The following STON1 variants were observed in gnomAD, a reference collection of about 807,000 sequenced individuals.
STON1 encodes the protein stonin 1.
Under a neutral mutation model 60.9 loss-of-function variants are expected in STON1, and 79 were observed. That is an observed-to-expected ratio of 1.30 (90% CI 1.08 to 1.56). STON1 has a LOEUF of 1.56. Ranked by LOEUF, STON1 falls within the 40% of genes most tolerant of loss-of-function variation. The pLI, the probability that STON1 is intolerant of heterozygous loss-of-function variation, is 0.00. For synonymous variants in STON1, 363 were observed against 306.9 expected, an observed-to-expected ratio of 1.18 and a Z score of -1.91; for missense variants, 1,166 against 858.9, an observed-to-expected ratio of 1.36 and a Z score of -4.47.
chr2:48,558,559 T>G (rs1672478076), intron 1 of STON1, among the ~76,000 whole-genome samples: 2 of 152,236 alleles, frequency 1.3e-5, no homozygotes, highest in Admixed American at 6.5e-5. Flanking sequence ...GCCATAGCTA[T>G]GATCACAGTG....
rs1455922439 is a variant in STON1, at chr2:48,597,186, G to GAGGCTCAAATGC, written c.*1884_*1885insAGGCTCAAATGC. 6.6e-6 allele frequency: 1 copy of GAGGCTCAAATGC among 152,110 alleles called. No homozygotes were observed. The highest frequency in any genetic ancestry group is 1.5e-5 in the Non-Finnish European group (1 of 68,026). The allele number at this position is 152,110 out of a possible 1,614,324, so 9.4% of individuals were successfully genotyped here. On this transcript the variant is annotated 3_prime_UTR_variant, in exon 4 of 4. Transcript: ENST00000404752. Reference sequence around the variant, plus strand: ...TCTTTTTAACTTCATTTGATGCCTTGCTTATAATATCATATGCTTGAGGCT... The same window carrying GAGGCTCAAATGC: ...TCTTTTTAACTTCATTTGATGCCTTGAGGCTCAAATGCCTTATAATATCATATGCTTGAGGCT...
chr2:48,536,905 T>C (rs1671455786), intron 1 of STON1, among the ~76,000 whole-genome samples: 1 of 152,226 alleles, frequency 6.6e-6, no homozygotes, highest in South Asian at 2.1e-4. Context: ...TCTTTTGTCC[T>C]AGTATATTCT....
At chr2:48,533,997 G>T (rs1671326340) in intron 1 of STON1, among the ~76,000 whole-genome samples, 2 of 152,056 alleles carry the variant, frequency 1.3e-5, no homozygotes, top group African/African-American at 4.8e-5. Context: ...TCGAACTCCT[G>T]ATCTCAGGTG....
At chr2:48,570,431 G>T (rs1673144418) in intron 1 of STON1, among the ~76,000 whole-genome samples, 2 of 152,168 alleles carry the variant, frequency 1.3e-5, no homozygotes, top group Non-Finnish European at 2.9e-5. Flanking sequence ...TTCGTGTTTT[G>T]TGTGAACCCT....
Position 48,558,711 on chromosome 2 carries a change from G to T in STON1, c.-47-21876G>T, listed in dbSNP as rs72822299. Among the ~76,000 whole-genome samples, 549 of 152,284 alleles carry T rather than the reference G, an allele frequency of 3.6e-3. 1 individual carries two copies. The highest frequency in any genetic ancestry group is 9.5e-3 in the South Asian group (46 of 4,826). ...TATAGTGGCAAAGGGCTTGTTTGCT[G>T]CCCTATGTCTTTACTCAAGCAGATG... On this transcript the variant is annotated intron_variant, in intron 1 of 3. Transcript: ENST00000404752.
chr2:48,586,551 TAG>T (rs1392370367), intron 2 of STON1, among the ~76,000 whole-genome samples: 1 of 152,124 alleles, frequency 6.6e-6, no homozygotes, highest in East Asian at 1.9e-4. Flanking sequence ...GGAGAGTCAA[TAG>T]AGTTTCCATC....
At position 48,576,278 on chromosome 2, in the gene STON1, C is replaced by T. The variant is rs1432122709; in HGVS notation, c.-47-4309C>T. On this transcript the variant is annotated intron_variant, in intron 1 of 3. Transcript: ENST00000404752. ...GATCTCTGCTCACTGCAACCTCTGC[C>T]TCTTGGGTTCAAGTGATTCTCATGC... Among the ~76,000 whole-genome samples the T allele has an allele frequency of 2.2e-5, 3 of 137,208 alleles. No individual in the cohort carries two copies. The Admixed American group carries it at 2.5e-4, about 11-fold the overall frequency. The allele number at this position is 137,208 out of a possible 152,430, so 90.0% of individuals were successfully genotyped here. A position where few individuals can be genotyped will look rare whatever the true frequency, so the allele number is the denominator to read the frequency against.
chr2:48,540,700 A>G (rs1671617571), intron 1 of STON1, among the ~76,000 whole-genome samples: 1 of 152,312 alleles, frequency 6.6e-6, no homozygotes, highest in South Asian at 2.1e-4. Flanking sequence ...GGCGCTCTTG[A>G]GCCTCAACTT....
At chr2:48,551,925 T>C (rs876970) in intron 1 of STON1, among the ~76,000 whole-genome samples, 41,052 of 152,174 alleles carry the variant, frequency 0.27, 5,621 homozygotes, top group South Asian at 0.33. Context: ...CCCGGATTCC[T>C]GGTCAGTCAC....
At chr2:48,553,167 C>T (rs1163824987) in intron 1 of STON1, among the ~76,000 whole-genome samples, 2 of 152,090 alleles carry the variant, frequency 1.3e-5, no homozygotes, top group African/African-American at 4.8e-5. Context: ...GCAGTGACAG[C>T]GCCCACCAGA....
chr2:48,571,109 G>A (rs565157897), intron 1 of STON1, among the ~76,000 whole-genome samples: 1 of 152,210 alleles, frequency 6.6e-6, no homozygotes, highest in South Asian at 2.1e-4. Flanking sequence ...GCCCGCCTTG[G>A]CCTTCCAAAG....
At position 48,581,827 on chromosome 2, in the gene STON1, G is replaced by A. The variant is rs1366002465; in HGVS notation, c.1194G>A (p.Met398Ile). Residue 398 changes from methionine (M) to isoleucine (I), a missense_variant, in exon 2 of 4, where the codon ATG becomes ATA. Transcript: ENST00000404752. ...TGACTACTGTGGAGGAGGAGCTGAT[G>A]AAGTTGCCAGCTGTTTCAAAACCAA... The part of the protein sequence containing the change: ...DFLTTVEEEL[M>I]KLPAVSKPKK... 2 of 1,614,102 alleles carry A rather than the reference G, an allele frequency of 1.2e-6. No individual in the cohort carries two copies. The highest frequency in any genetic ancestry group is 1.7e-6 in the Non-Finnish European group (2 of 1,180,060).
intron 1 of STON1, among the ~76,000 whole-genome samples, chr2:48,578,101 A>G (rs1441321119): frequency 6.6e-6 from 1 of 152,024 alleles, no homozygotes. Context: ...TAGCCTCCAG[A>G]GTAGCTTGGA....
At chr2:48,567,211 G>A (rs923523052) in intron 1 of STON1, among the ~76,000 whole-genome samples, 3 of 152,172 alleles carry the variant, frequency 2.0e-5, no homozygotes, top group African/African-American at 4.8e-5. Context: ...ACATGTTTGC[G>A]ATTAAGCATT....
chr2:48,584,344 T>G (rs1168391582), intron 2 of STON1, among the ~76,000 whole-genome samples: 1 of 152,082 alleles, frequency 6.6e-6, no homozygotes, highest in Non-Finnish European at 1.5e-5. Flanking sequence ...GATAGCTCAC[T>G]GCAACCTCTG....
In STON1 at chr2:48,559,235, T is replaced by C. The variant is rs560282279; in HGVS notation, c.-47-21352T>C. On this transcript the variant is annotated intron_variant, in intron 1 of 3. Transcript: ENST00000404752. ...GTGCAAGAATCATTTAACATAACTG[T>C]CTTACTCCCTTGAGCTTGCTATAAC... 1.6e-4 allele frequency among the ~76,000 whole-genome samples: 24 copies of C among 152,310 alleles called. No individual in the cohort carries two copies. The South Asian group carries it at 2.9e-3, about 18-fold the overall frequency.
intron 1 of STON1, among the ~76,000 whole-genome samples, chr2:48,576,755 A>G (rs1460239484): frequency 1.3e-5 from 2 of 152,092 alleles, no homozygotes; most frequent in South Asian, 2.1e-4. Context: ...TTAATTCCTT[A>G]TAAGAAATAC....
At position 48,577,088 on chromosome 2, in the gene STON1, C is replaced by T. The variant is rs188524450; in HGVS notation, c.-47-3499C>T. On this transcript the variant is annotated intron_variant, in intron 1 of 3. Transcript: ENST00000404752. ...AAGAAAAAAAGAAAGACAGAAATAC[C>T]GTTTGCAAATATTTTCTCCTATTCT... Among the ~76,000 whole-genome samples the T allele has an allele frequency of 2.5e-3, 381 of 151,718 alleles. 2 individuals are homozygous for T. The highest frequency in any genetic ancestry group is 4.2e-3 in the Non-Finnish European group (282 of 67,908).
chr2:48,541,818 G>A (rs1257686622), intron 1 of STON1, among the ~76,000 whole-genome samples: 1 of 152,040 alleles, frequency 6.6e-6, no homozygotes, highest in African/African-American at 2.4e-5. Flanking sequence ...GGAGAGAAGA[G>A]GTCTGAATAA....
Sources: gnomAD v4.1 joint callset for allele counts (sites outside exome capture counted in the v4.1 genomes callset) on GRCh38, gnomAD v4.1.1 for gene constraint, MANE v1.5 for transcripts, NCBI Gene and HGNC (gene_info 2026-07-23, HGNC 2026-07-21) for gene names.